C1QTNF3: variants seen among roughly 807,000 people sequenced by gnomAD.
C1QTNF3 encodes C1q and TNF related 3, also known as complement C1q tumor necrosis factor-related protein 3.
C1QTNF3 carries 26 observed loss-of-function variants against 32.6 expected under a neutral mutation model. The ratio of observed to expected loss-of-function variants is 0.80; its 90% CI spans 0.58 to 1.11. The LOEUF (loss-of-function observed/expected upper bound fraction) is 1.11, where lower values mean the gene tolerates loss of function less well. Ranked by LOEUF, C1QTNF3 falls within the 50% of genes least tolerant of loss-of-function variation. The pLI is 0.00. For missense variants in C1QTNF3, 362 were observed against 398.2 expected, an observed-to-expected ratio of 0.91 and a Z score of 0.77; for synonymous variants, 155 against 146.0, an observed-to-expected ratio of 1.06 and a Z score of -0.44.
chr5:34,059,305 T>C, the C1QTNF3 span, among the ~76,000 whole-genome samples: 1 of 152,182 alleles, frequency 6.6e-6, no homozygotes, highest in Non-Finnish European at 1.5e-5. Flanking sequence ...CTTCTTCTTT[T>C]AAGGCTACCA....
At chr5:34,213,732 G>C in the C1QTNF3 span, among the ~76,000 whole-genome samples, 1 of 56,580 alleles carries the variant, frequency 1.8e-5, no homozygotes, top group African/African-American at 9.9e-5. Context: ...ATATATACAC[G>C]TATATATAGT....
upstream of C1QTNF3, among the ~76,000 whole-genome samples, chr5:34,045,870 G>A (rs1490986218): frequency 6.6e-6 from 1 of 151,980 alleles, no homozygotes; most frequent in Non-Finnish European, 1.5e-5. Context: ...ATTATGGGTT[G>A]GATTATGTAC....
At chr5:34,068,911 T>C in the C1QTNF3 span, among the ~76,000 whole-genome samples, 1 of 152,234 alleles carries the variant, frequency 6.6e-6, no homozygotes, top group African/African-American at 2.4e-5. Flanking sequence ...CCATGCACAG[T>C]ATCCCTTGCC....
the C1QTNF3 span, among the ~76,000 whole-genome samples, chr5:34,099,503 A>C: frequency 6.6e-6 from 1 of 151,966 alleles, no homozygotes; most frequent in Admixed American, 6.6e-5. Flanking sequence ...GGCAAAATTA[A>C]TATAGAGACT....
the C1QTNF3 span, among the ~76,000 whole-genome samples, chr5:34,090,499 T>C: frequency 1.3e-5 from 2 of 151,286 alleles, no homozygotes; most frequent in Non-Finnish European, 2.9e-5. Context: ...ATAGAGCAGA[T>C]ACTCACCCCC....
At chr5:34,172,177 C>A in the C1QTNF3 span, among the ~76,000 whole-genome samples, 1 of 152,174 alleles carries the variant, frequency 6.6e-6, no homozygotes, top group Non-Finnish European at 1.5e-5. Flanking sequence ...AGTTCAAATC[C>A]TATACATACT....
At chr5:34,169,486 G>C in the C1QTNF3 span, among the ~76,000 whole-genome samples, 1 of 151,838 alleles carries the variant, frequency 6.6e-6, no homozygotes, top group Admixed American at 6.6e-5. Context: ...TTAAATTGTA[G>C]GAATTTCTTA....
the C1QTNF3 span, among the ~76,000 whole-genome samples, chr5:34,208,229 T>C: frequency 3.9e-5 from 6 of 152,272 alleles, no homozygotes; most frequent in Admixed American, 2.6e-4. Flanking sequence ...TTCTAAAATG[T>C]AGATTTATTT....
chr5:34,085,681 T>A, the C1QTNF3 span, among the ~76,000 whole-genome samples: 1 of 151,552 alleles, frequency 6.6e-6, no homozygotes, highest in South Asian at 2.1e-4. Context: ...AACAAACATA[T>A]GAAAAAAAGC....
Position 34,042,912 on chromosome 5 carries a change from TG to T in C1QTNF3, c.213del (p.Asn71LysfsTer6). ...CTCAGGGATTTTAGGTCTGTAGAAGTGTTATTATCCACAGTCCCAGTTTTAG... is the reference window on the plus strand; with the variant it reads ...CTCAGGGATTTTAGGTCTGTAGAAGTTTATTATCCACAGTCCCAGTTTTAG... ...SHPKTGTVDN[N>X]TSTDLKSLRP... On this transcript the variant is annotated frameshift_variant, in exon 1 of 6. Coordinates refer to ENST00000382065, the MANE Select transcript of C1QTNF3 (RefSeq NM_181435.6). LOFTEE classifies it high-confidence loss of function. 1 of 1,614,116 alleles carries T rather than the reference TG, an allele frequency of 6.2e-7. No individual in the cohort carries two copies. The highest frequency in any genetic ancestry group is 8.5e-7 in the Non-Finnish European group (1 of 1,180,010).
At chr5:34,063,371 T>C in the C1QTNF3 span, among the ~76,000 whole-genome samples, 2 of 152,056 alleles carry the variant, frequency 1.3e-5, no homozygotes, top group African/African-American at 4.8e-5. Context: ...GTCTCTCTCC[T>C]CTCTGTCTCT....
At chr5:34,224,084 C>T in the C1QTNF3 span, among the ~76,000 whole-genome samples, 1 of 152,032 alleles carries the variant, frequency 6.6e-6, no homozygotes, top group South Asian at 2.1e-4. Context: ...CCTAGGAATC[C>T]AACTTAAAAG....
intron 3 of C1QTNF3, among the ~76,000 whole-genome samples, chr5:34,029,569 GA>G (rs1283528060): frequency 2.0e-5 from 3 of 152,156 alleles, no homozygotes; most frequent in Non-Finnish European, 4.4e-5. Flanking sequence ...GACAACACAA[GA>G]TCATTATTAT....
At chr5:34,216,677 T>C in the C1QTNF3 span, among the ~76,000 whole-genome samples, 1 of 152,190 alleles carries the variant, frequency 6.6e-6, no homozygotes, top group Non-Finnish European at 1.5e-5. Context: ...GAATAGATTC[T>C]AAAAAGCTAT....
chr5:34,044,557 C>G (rs1754954419), upstream of C1QTNF3, among the ~76,000 whole-genome samples: 1 of 152,154 alleles, frequency 6.6e-6, no homozygotes, highest in Non-Finnish European at 1.5e-5. Flanking sequence ...GAACCAAGAG[C>G]CATCTCTGGA....
the C1QTNF3 span, among the ~76,000 whole-genome samples, chr5:34,220,908 A>G: frequency 6.6e-6 from 1 of 152,074 alleles, no homozygotes; most frequent in Non-Finnish European, 1.5e-5. Context: ...GCCGGGCTTT[A>G]TACCTCATCT....
the C1QTNF3 span, among the ~76,000 whole-genome samples, chr5:34,079,618 T>C: frequency 6.6e-6 from 1 of 151,636 alleles, no homozygotes; most frequent in South Asian, 2.1e-4. Context: ...AATAAGTAAA[T>C]CCTGCCATTT....
the C1QTNF3 span, among the ~76,000 whole-genome samples, chr5:34,145,676 A>G: frequency 1.0e-5 from 1 of 97,568 alleles, no homozygotes; most frequent in East Asian, 2.5e-4. Context: ...GCAGAGACAC[A>G]GCAAAAAAAA....
At chr5:34,205,833 A>T in the C1QTNF3 span, among the ~76,000 whole-genome samples, 1 of 149,026 alleles carries the variant, frequency 6.7e-6, no homozygotes. Context: ...ATACTCCCTT[A>T]GCTACAGGCA....
Sources: allele counts gnomAD v4.1 joint callset (sites outside exome capture counted in the v4.1 genomes callset), GRCh38; gene constraint gnomAD v4.1.1; transcripts MANE v1.5; gene names NCBI Gene and HGNC (gene_info 2026-07-23, HGNC 2026-07-21).